Variants in SNX7 observed in about 807,000 individuals in gnomAD.
SNX7 encodes sorting nexin 7, also known as sorting nexin-7.
A neutral mutation model predicts 48.4 loss-of-function variants in SNX7; 35 were observed. The observed-to-expected ratio is 0.72, with a 90% confidence interval of 0.55 to 0.96. SNX7 has a LOEUF of 0.96. SNX7 is among the 40% of genes least tolerant of loss of function. The pLI, the probability that SNX7 is intolerant of heterozygous loss-of-function variation, is 0.00. For missense variants in SNX7, 553 were observed against 548.9 expected, an observed-to-expected ratio of 1.01 and a Z score of -0.07; for synonymous variants, 190 against 190.2, an observed-to-expected ratio of 1.00 and a Z score of 0.01.
chr1:98,740,145 A>G (rs1428977252), intron 8 of SNX7, among the ~76,000 whole-genome samples: 1 of 152,138 alleles, frequency 6.6e-6, no homozygotes, highest in African/African-American at 2.4e-5. Flanking sequence ...ATAATTTTTT[A>G]TTCTGGTAAC....
chr1:98,662,812 A>T (rs977303304), intron 1 of SNX7: 1 of 1,289,268 alleles, frequency 7.8e-7, no homozygotes, highest in East Asian at 5.6e-5. Context: ...ACCTGGAGAT[A>T]TTAGGTAAAG....
At chr1:98,740,345 A>G (rs752874607) in intron 8 of SNX7, among the ~76,000 whole-genome samples, 4 of 152,178 alleles carry the variant, frequency 2.6e-5, no homozygotes, top group Non-Finnish European at 5.9e-5. Context: ...ACATTACAGA[A>G]TTGTTAAGAA....
intron 1 of SNX7, among the ~76,000 whole-genome samples, chr1:98,678,774 A>T (rs866224272): frequency 6.6e-6 from 1 of 152,242 alleles, no homozygotes; most frequent in African/African-American, 2.4e-5. Flanking sequence ...ATCTGTAGTC[A>T]TATAATTAAT....
intron 7 of SNX7, among the ~76,000 whole-genome samples, chr1:98,716,830 T>C (rs1235887410): frequency 6.6e-6 from 1 of 152,102 alleles, no homozygotes; most frequent in Admixed American, 6.6e-5. Context: ...TTTGGTGTTT[T>C]CTTCTTTTAT....
chr1:98,737,528 T>C (rs1653845830), intron 7 of SNX7, among the ~76,000 whole-genome samples: 1 of 152,154 alleles, frequency 6.6e-6, no homozygotes, highest in Non-Finnish European at 1.5e-5. Flanking sequence ...AATATATGAA[T>C]AGCTATAAAT....
chr1:98,666,453 C>T (rs1002326486), intron 1 of SNX7, among the ~76,000 whole-genome samples: 1 of 152,100 alleles, frequency 6.6e-6, no homozygotes, highest in Non-Finnish European at 1.5e-5. Context: ...TCCCTGAATT[C>T]CTCTCCTCCT....
chr1:98,677,899 T>C (rs1252370980), intron 1 of SNX7, among the ~76,000 whole-genome samples: 1 of 146,206 alleles, frequency 6.8e-6, no homozygotes, highest in Admixed American at 6.8e-5. Context: ...AAAAAAGAAA[T>C]AGAGGTATAT....
At chr1:98,741,926 C>T (rs975268508) in intron 8 of SNX7, among the ~76,000 whole-genome samples, 2 of 152,096 alleles carry the variant, frequency 1.3e-5, no homozygotes, top group Admixed American at 6.6e-5. Context: ...ATCCAATGTC[C>T]TCTTACAATT....
intron 5 of SNX7, among the ~76,000 whole-genome samples, chr1:98,697,282 T>C (rs1651508338): frequency 6.6e-6 from 1 of 152,092 alleles, no homozygotes; most frequent in South Asian, 2.1e-4. Context: ...AGTATCTCCA[T>C]TGTTTTTAAA....
chr1:98,738,887 T>G (rs1386526933), intron 8 of SNX7, among the ~76,000 whole-genome samples: 1 of 38,234 alleles, frequency 2.6e-5, no homozygotes, highest in East Asian at 5.0e-4. Context: ...CTCAGAGAAG[T>G]TTTTTTTTTA....
At chr1:98,663,170 G>A (rs1336554918) in intron 1 of SNX7, among the ~76,000 whole-genome samples, 2 of 148,456 alleles carry the variant, frequency 1.3e-5, no homozygotes, top group African/African-American at 5.0e-5. Flanking sequence ...AGGAATATTA[G>A]TCTATGGTTA....
chr1:98,689,477 C>G (rs913033822), intron 2 of SNX7, among the ~76,000 whole-genome samples: 2 of 152,146 alleles, frequency 1.3e-5, no homozygotes, highest in Non-Finnish European at 2.9e-5. Context: ...TGAGGATAGA[C>G]TGAACCAATT....
chr1:98,705,221 A>T (rs1651950619), intron 7 of SNX7, among the ~76,000 whole-genome samples: 1 of 152,186 alleles, frequency 6.6e-6, no homozygotes, highest in South Asian at 2.1e-4. Context: ...CAATAAAATT[A>T]ATGGTTTCAA....
chr1:98,760,281 G>T lies in SNX7; in HGVS notation c.*150G>T. ...CAACTTGAAATCTCAGGTATTCCAG[G>T]TCACTGACATGAATTTGAAGATATA... On this transcript the variant is annotated 3_prime_UTR_variant, in exon 9 of 9. Coordinates refer to ENST00000306121, the MANE Select transcript of SNX7 (RefSeq NM_015976.5). 1 of 615,570 alleles carries T rather than the reference G, an allele frequency of 1.6e-6. No homozygotes were observed. The highest frequency in any genetic ancestry group is 2.9e-6 in the Non-Finnish European group (1 of 343,958). The allele number at this position is 615,570 out of a possible 1,614,324, so 38.1% of individuals were successfully genotyped here.
At chr1:98,745,295 C>G (rs927189338) in intron 8 of SNX7, among the ~76,000 whole-genome samples, 43 of 152,032 alleles carry the variant, frequency 2.8e-4, no homozygotes, top group African/African-American at 9.9e-4. Flanking sequence ...GAGGCACATT[C>G]TTTAAAGTTA....
chr1:98,662,868 A>ACC, intron 1 of SNX7: 1 of 1,286,366 alleles, frequency 7.8e-7, no homozygotes, highest in Non-Finnish European at 1.0e-6. Flanking sequence ...AGAGCAAACC[A>ACC]AAGTTAGGAA....
intron 8 of SNX7, among the ~76,000 whole-genome samples, chr1:98,743,364 TATTTA>T (rs887097057): frequency 3.6e-5 from 5 of 139,352 alleles, no homozygotes; most frequent in Admixed American, 1.4e-4. Context: ...AATGGTGAAG[TATTTA>T]AATTAGTTTT....
chr1:98,688,363 G>C (rs1452135310), intron 2 of SNX7, among the ~76,000 whole-genome samples: 1 of 152,154 alleles, frequency 6.6e-6, no homozygotes, highest in Non-Finnish European at 1.5e-5. Context: ...TATTTTAAGT[G>C]ACTGTTATAG....
intron 3 of SNX7, 81 bp downstream of exon 3, chr1:98,691,266 C>T: frequency 1.3e-6 from 1 of 773,676 alleles, no homozygotes; most frequent in East Asian, 2.9e-5. Context: ...AACCTAATTT[C>T]AGACCTTAAG....
Sources: allele counts gnomAD v4.1 joint callset (sites outside exome capture counted in the v4.1 genomes callset), GRCh38; gene constraint gnomAD v4.1.1; transcripts MANE v1.5; gene names NCBI Gene and HGNC (gene_info 2026-07-23, HGNC 2026-07-21).